Variants in THSD7B observed in about 807,000 individuals in gnomAD.
THSD7B encodes the protein thrombospondin type-1 domain-containing protein 7B.
In THSD7B, 138 loss-of-function variants were observed where a neutral mutation model predicts 213.6. The observed-to-expected ratio is 0.65, with a 90% CI of 0.56 to 0.74. The LOEUF (loss-of-function observed/expected upper bound fraction) is 0.74. Ranked by LOEUF, THSD7B falls within the 30% of genes least tolerant of loss-of-function variation. The probability of loss-of-function intolerance (pLI) is 0.00; values close to 1 mark genes in which losing one functional copy is unlikely to be tolerated. For missense variants in THSD7B, 1,931 were observed against 1,991.5 expected (o/e 0.97, Z 0.58); for synonymous variants, 742 against 687.0 (o/e 1.08, Z -1.25).
chr2:136,908,885 G>T (rs1440993924), intron 2 of THSD7B, among the ~76,000 whole-genome samples: 1 of 152,036 alleles, frequency 6.6e-6, no homozygotes, highest in Admixed American at 6.6e-5. Context: ...TTAATTAAAA[G>T]TGGGCCTATC....
At chr2:136,911,050 T>C (rs1684249921) in intron 2 of THSD7B, among the ~76,000 whole-genome samples, 1 of 152,184 alleles carries the variant, frequency 6.6e-6, no homozygotes, top group South Asian at 2.1e-4. Context: ...GAAGATATTA[T>C]GAAGATCATG....
chr2:137,075,291 ATTC>A (rs1687595656), intron 3 of THSD7B, among the ~76,000 whole-genome samples: 1 of 151,956 alleles, frequency 6.6e-6, no homozygotes, highest in Admixed American at 6.6e-5. Flanking sequence ...ATTTCTTTTT[ATTC>A]TTTTTTCTCT....
chr2:137,548,729 T>C (rs1052398514), intron 15 of THSD7B, among the ~76,000 whole-genome samples: 1 of 152,038 alleles, frequency 6.6e-6, no homozygotes, highest in African/African-American at 2.4e-5. Context: ...TTTCAAAGTA[T>C]AGTAGTTCAT....
chr2:137,496,364 G>T (rs939854851), intron 15 of THSD7B, among the ~76,000 whole-genome samples: 12 of 152,114 alleles, frequency 7.9e-5, no homozygotes, highest in African/African-American at 2.9e-4. Flanking sequence ...CCAGCACTTT[G>T]TACATTTTAA....
chr2:137,049,826 C>T (rs185050905), intron 2 of THSD7B, among the ~76,000 whole-genome samples: 1 of 152,324 alleles, frequency 6.6e-6, no homozygotes, highest in African/African-American at 2.4e-5. Context: ...ACTTGTATAA[C>T]ACAAACAACA....
intron 17 of THSD7B, among the ~76,000 whole-genome samples, chr2:137,585,445 A>G (rs1026015724): frequency 6.6e-6 from 1 of 152,090 alleles, no homozygotes; most frequent in African/African-American, 2.4e-5. Flanking sequence ...TGTCAATTTT[A>G]GATCTTTCCT....
chr2:137,547,030 T>A (rs971908064), intron 15 of THSD7B, among the ~76,000 whole-genome samples: 2 of 151,990 alleles, frequency 1.3e-5, no homozygotes, highest in African/African-American at 4.8e-5. Flanking sequence ...AGAAGAAAAA[T>A]GTTTGCAACA....
At chr2:137,047,050 T>C (rs1195186091) in intron 2 of THSD7B, among the ~76,000 whole-genome samples, 2 of 152,224 alleles carry the variant, frequency 1.3e-5, no homozygotes, top group African/African-American at 4.8e-5. Flanking sequence ...TATTAAAAGA[T>C]ATAATTAGGT....
chr2:137,115,493 T>C (rs1688433148), intron 5 of THSD7B, among the ~76,000 whole-genome samples, 200 bp downstream of exon 5: 1 of 152,178 alleles, frequency 6.6e-6, no homozygotes, highest in Admixed American at 6.5e-5. Context: ...AAAAATAATA[T>C]GTCTCCCAAG....
rs538688474 is a variant in THSD7B at position 137,663,869 on chromosome 2, G to A, written c.4651+294G>A. Among the ~76,000 whole-genome samples the A allele has an allele frequency of 2.1e-4, 32 of 152,132 alleles. No individual in the cohort carries two copies. In the East Asian group the frequency reaches 4.8e-3, roughly 23 times the overall value. Reference sequence around the variant, plus strand: ...AAAAATCTTTCTTTTTTCTTGGGTCGGGGAGAGAATTTCACTCTGTCGCCC... The same window carrying A: ...AAAAATCTTTCTTTTTTCTTGGGTCAGGGAGAGAATTTCACTCTGTCGCCC... On this transcript the variant is annotated intron_variant, in intron 26 of 27. Coordinates refer to ENST00000409968, the MANE Select transcript of THSD7B (RefSeq NM_001316349.2).
intron 17 of THSD7B, among the ~76,000 whole-genome samples, chr2:137,598,449 A>T (rs1291974144): frequency 6.6e-6 from 1 of 152,180 alleles, no homozygotes; most frequent in Non-Finnish European, 1.5e-5. Context: ...TGTGTTCCAA[A>T]CTGTTCACTA....
At chr2:136,788,243 G>A in intron 1 of THSD7B, among the ~76,000 whole-genome samples, 1 of 152,160 alleles carries the variant, frequency 6.6e-6, no homozygotes, top group Non-Finnish European at 1.5e-5. Flanking sequence ...CTAGAGTTAT[G>A]CATACACTAC....
At chr2:136,980,299 G>A (rs1685552107) in intron 2 of THSD7B, among the ~76,000 whole-genome samples, 1 of 152,176 alleles carries the variant, frequency 6.6e-6, no homozygotes, top group Non-Finnish European at 1.5e-5. Context: ...CAAGTGCTTG[G>A]CGCTGGGGGG....
At chr2:137,155,970 G>A (rs983483271) in intron 5 of THSD7B, 1 of 152,126 alleles carries the variant, frequency 6.6e-6, no homozygotes, top group Non-Finnish European at 1.5e-5. Flanking sequence ...GGCCACTTGG[G>A]TAGAGGCTTA....
chr2:137,603,389 A>T (rs1361190399), intron 17 of THSD7B, among the ~76,000 whole-genome samples: 1 of 152,174 alleles, frequency 6.6e-6, no homozygotes, highest in Non-Finnish European at 1.5e-5. Flanking sequence ...CTGTGTAATT[A>T]AAATGTGCTA....
intron 10 of THSD7B, among the ~76,000 whole-genome samples, chr2:137,245,799 T>A (rs565661597): frequency 6.6e-6 from 1 of 152,316 alleles, no homozygotes; most frequent in Admixed American, 6.5e-5. Flanking sequence ...CAGTGGATTT[T>A]GTGTCCTTGA....
chr2:137,026,589 C>G (rs1371328223), intron 2 of THSD7B, among the ~76,000 whole-genome samples: 1 of 152,122 alleles, frequency 6.6e-6, no homozygotes, highest in Non-Finnish European at 1.5e-5. Context: ...TGTTGTGTGT[C>G]TATCTCCCTA....
rs377492859 is a variant in THSD7B, at chr2:136,809,773, T to C, written c.-36+44086T>C. On this transcript the variant is annotated intron_variant, in intron 1 of 27. Transcript: ENST00000409968. ...CAAGGGGGAAAGCACAGAGACCAGC[T>C]TGGTGCCTACTGCTGCAGTCTGGGT... Among the ~76,000 whole-genome samples, 30 of 152,286 alleles carry C rather than the reference T, an allele frequency of 2.0e-4. No homozygotes were observed. The South Asian group carries it at 3.5e-3, about 18-fold the overall frequency.
intron 5 of THSD7B, among the ~76,000 whole-genome samples, chr2:137,147,047 T>A (rs10171186): frequency 0.066 from 10,101 of 152,224 alleles, 357 homozygotes; most frequent in African/African-American, 0.083. Context: ...AAAGTATAAA[T>A]CCTTGTTGTA....
Sources: allele counts gnomAD v4.1 joint callset (sites outside exome capture counted in the v4.1 genomes callset), GRCh38; gene constraint gnomAD v4.1.1; transcripts MANE v1.5; gene names NCBI Gene and HGNC (gene_info 2026-07-23, HGNC 2026-07-21).